Variants in IQCM observed in about 807,000 individuals in gnomAD.
IQCM encodes IQ domain-containing protein M.
Under a neutral mutation model 57.6 loss-of-function variants are expected in IQCM, and 45 were observed. The observed-to-expected ratio is 0.78, with a 90% CI of 0.62 to 1.00. The LOEUF is 1.00. Among genes scored for constraint, IQCM ranks in the 50% least tolerant of loss-of-function variants. The probability of loss-of-function intolerance (pLI) is 0.00; values close to 1 mark genes in which losing one functional copy is unlikely to be tolerated. For synonymous variants in IQCM, 148 were observed against 158.9 expected (o/e 0.93, Z 0.51); for missense variants, 468 against 511.6 (o/e 0.91, Z 0.82).
At chr4:149,384,567 A>C (rs1731287383) in intron 13 of IQCM, among the ~76,000 whole-genome samples, 1 of 151,696 alleles carries the variant, frequency 6.6e-6, no homozygotes, top group South Asian at 2.1e-4. Flanking sequence ...AGAAGGCTAA[A>C]CCTCTTTTAC....
intron 13 of IQCM, among the ~76,000 whole-genome samples, chr4:149,400,524 G>GA (rs1234271131): frequency 5.9e-5 from 9 of 151,796 alleles, no homozygotes; most frequent in African/African-American, 1.9e-4. Flanking sequence ...AATATAAATA[G>GA]AAATCAAAAT....
At chr4:149,795,413 G>T (rs998318995) in intron 2 of IQCM, among the ~76,000 whole-genome samples, 3 of 152,232 alleles carry the variant, frequency 2.0e-5, no homozygotes, top group African/African-American at 7.2e-5. Context: ...CTAGCCAGAG[G>T]GGAATCACTG....
At chr4:149,626,261 G>A (rs1435954956) in intron 7 of IQCM, among the ~76,000 whole-genome samples, 3 of 151,846 alleles carry the variant, frequency 2.0e-5, no homozygotes, top group African/African-American at 7.3e-5. Context: ...GATGCTTCCT[G>A]CCCTCGAACA....
intron 13 of IQCM, among the ~76,000 whole-genome samples, chr4:149,355,900 C>A (rs1728939462): frequency 3.9e-5 from 6 of 152,018 alleles, no homozygotes; most frequent in Admixed American, 3.3e-4. Flanking sequence ...TCCTCTCCAG[C>A]ACCTGTTGTT....
At chr4:149,427,684 T>C (rs1197725755) in intron 13 of IQCM, among the ~76,000 whole-genome samples, 1 of 151,972 alleles carries the variant, frequency 6.6e-6, no homozygotes, top group African/African-American at 2.4e-5. Context: ...TTCATGTAAG[T>C]ATAGCAAGTG....
At chr4:149,781,088 T>C (rs1771562155) in intron 2 of IQCM, among the ~76,000 whole-genome samples, 1 of 152,032 alleles carries the variant, frequency 6.6e-6, no homozygotes, top group Non-Finnish European at 1.5e-5. Flanking sequence ...AGAGAAAGGA[T>C]TGAGAACCTG....
At chr4:149,408,322 T>C (rs1467198326) in intron 13 of IQCM, among the ~76,000 whole-genome samples, 2 of 152,122 alleles carry the variant, frequency 1.3e-5, no homozygotes, top group Admixed American at 6.6e-5. Context: ...AGTAAACTGG[T>C]TATAAAATAA....
intron 8 of IQCM, among the ~76,000 whole-genome samples, chr4:149,592,445 G>A (rs934305042): frequency 4.6e-5 from 7 of 152,110 alleles, no homozygotes; most frequent in Admixed American, 4.6e-4. Flanking sequence ...CTGCTGTGCA[G>A]AAGCTCTTTA....
chr4:149,515,171 C>G (rs965271348), intron 12 of IQCM, among the ~76,000 whole-genome samples: 2 of 151,492 alleles, frequency 1.3e-5, no homozygotes, highest in Non-Finnish European at 2.9e-5. Context: ...GCCCTGCCAT[C>G]TTTTGGAGAT....
chr4:149,361,641 G>A (rs1035094567), intron 13 of IQCM, among the ~76,000 whole-genome samples: 2 of 152,156 alleles, frequency 1.3e-5, no homozygotes, highest in Admixed American at 6.5e-5. Flanking sequence ...GCCTGTGGGT[G>A]CACATAAGTC....
chr4:149,652,714 C>A (rs181132000), intron 7 of IQCM, among the ~76,000 whole-genome samples: 4 of 149,552 alleles, frequency 2.7e-5, no homozygotes, highest in Non-Finnish European at 5.9e-5. Flanking sequence ...CAACATGAAA[C>A]AAAATAAAGG....
chr4:149,766,995 A>G (rs1031127700), intron 2 of IQCM, among the ~76,000 whole-genome samples: 14 of 152,078 alleles, frequency 9.2e-5, no homozygotes, highest in Non-Finnish European at 1.9e-4. Context: ...TTACCTAATG[A>G]TATCACTAAC....
intron 12 of IQCM, among the ~76,000 whole-genome samples, chr4:149,457,411 A>C (rs1737816749): frequency 6.6e-6 from 1 of 152,204 alleles, no homozygotes; most frequent in Non-Finnish European, 1.5e-5. Flanking sequence ...TAGAAGAGAT[A>C]AACTGAATAG....
At chr4:149,714,279 CTCTT>C (rs1764808845) in intron 5 of IQCM, among the ~76,000 whole-genome samples, 2 of 152,166 alleles carry the variant, frequency 1.3e-5, no homozygotes, top group African/African-American at 4.8e-5. Flanking sequence ...CCTTCTCAGT[CTCTT>C]TGTTAGTTTC....
Position 149,795,076 on chromosome 4 carries a change from T to C in IQCM, c.-49+20235A>G, listed in dbSNP as rs138624790. Among the ~76,000 whole-genome samples, 648 of 152,294 alleles carry C rather than the reference T, an allele frequency of 4.3e-3. 5 individuals are homozygous for C. Among genetic ancestry groups the C allele is most frequent in the African/African-American group, 0.015 (616 of 41,572 alleles). On this transcript the variant is annotated intron_variant, in intron 2 of 13. Coordinates refer to ENST00000636793, the MANE Select transcript of IQCM (RefSeq NM_001363507.2). The stretch of plus-strand genomic sequence containing the variant: ...ACGCTAAAAAGAACTAAAGGGAAAT[T>C]CTACAACTGAAAATTATATCTAAAA...
chr4:149,662,203 G>T (rs1471497551), intron 7 of IQCM, among the ~76,000 whole-genome samples: 1 of 151,768 alleles, frequency 6.6e-6, no homozygotes, highest in Admixed American at 6.6e-5. Flanking sequence ...TTGATCCACT[G>T]GTTATTTAGG....
At chr4:149,518,006 A>G (rs1361882648) in intron 12 of IQCM, among the ~76,000 whole-genome samples, 1 of 152,208 alleles carries the variant, frequency 6.6e-6, no homozygotes, top group Non-Finnish European at 1.5e-5. Flanking sequence ...CCCCTAATAC[A>G]GAGGTTCTTG....
At chr4:149,757,115 G>T (rs192128120) in intron 2 of IQCM, among the ~76,000 whole-genome samples, 1 of 151,886 alleles carries the variant, frequency 6.6e-6, no homozygotes, top group African/African-American at 2.4e-5. Context: ...AAAATTAGCC[G>T]GGCATGGTGG....
chr4:149,624,333 GAT>G (rs1756614322), intron 7 of IQCM, among the ~76,000 whole-genome samples: 1 of 152,040 alleles, frequency 6.6e-6, no homozygotes, highest in South Asian at 2.1e-4. Context: ...CTGACTTTTA[GAT>G]ATTTTTCACC....
Sources: gnomAD v4.1 joint callset for allele counts (sites outside exome capture counted in the v4.1 genomes callset) on GRCh38, gnomAD v4.1.1 for gene constraint, MANE v1.5 for transcripts, NCBI Gene and HGNC (gene_info 2026-07-23, HGNC 2026-07-21) for gene names.